The following CYP7B1 variants were observed in gnomAD, a reference collection of about 807,000 sequenced individuals.
The protein encoded by CYP7B1 is cytochrome P450 7B1.
CYP7B1 carries 29 observed loss-of-function variants against 42.7 expected under a neutral mutation model. The ratio of observed to expected loss-of-function variants is 0.68; its 90% CI spans 0.51 to 0.93. The LOEUF is 0.93. CYP7B1 is among the 40% of genes least tolerant of loss of function. The pLI, the probability that CYP7B1 is intolerant of heterozygous loss-of-function variation, is 0.00. For missense variants in CYP7B1, 655 were observed against 600.5 expected (o/e 1.09, Z -0.95); for synonymous variants, 235 against 218.2 (o/e 1.08, Z -0.68).
At position 64,638,170 on chromosome 8, in the gene CYP7B1, G is replaced by A. The variant is rs544509299; in HGVS notation, c.123-13631C>T. On this transcript the variant is annotated intron_variant, in intron 1 of 5. Coordinates refer to ENST00000310193, the MANE Select transcript of CYP7B1 (RefSeq NM_004820.5). Reference sequence around the variant, plus strand: ...TCCTTGAATTGTCTATTTTCTCCAAGTCTCTTTGTTTCAGTTTTTAAAGTT... The same window carrying A: ...TCCTTGAATTGTCTATTTTCTCCAAATCTCTTTGTTTCAGTTTTTAAAGTT... Among the ~76,000 whole-genome samples, 4 of 151,344 alleles carry A rather than the reference G, an allele frequency of 2.6e-5. No homozygotes were observed. The South Asian group carries it at 8.4e-4, about 32-fold the overall frequency.
chr8:64,771,107 C>T (rs1369578255), intron 1 of CYP7B1, among the ~76,000 whole-genome samples: 1 of 118,684 alleles, frequency 8.4e-6, no homozygotes, highest in Non-Finnish European at 1.6e-5. Flanking sequence ...TGTCGCCAGG[C>T]TGGAGTGCAG....
chr8:64,654,810 G>C (rs573237860), intron 1 of CYP7B1, among the ~76,000 whole-genome samples: 1 of 152,230 alleles, frequency 6.6e-6, no homozygotes, highest in Non-Finnish European at 1.5e-5. Flanking sequence ...TAAGGTACTG[G>C]TACAAAAAGA....
intron 1 of CYP7B1, among the ~76,000 whole-genome samples, chr8:64,791,559 TG>T (rs1351663336): frequency 6.6e-6 from 1 of 152,130 alleles, no homozygotes; most frequent in African/African-American, 2.4e-5. Context: ...TAGGTCTTGG[TG>T]GCCTCCAGAC....
intron 1 of CYP7B1, among the ~76,000 whole-genome samples, chr8:64,693,044 T>C (rs1806771266): frequency 6.6e-6 from 1 of 152,236 alleles, no homozygotes; most frequent in South Asian, 2.1e-4. Context: ...ATCCTGCTTC[T>C]TTGCTCTCAG....
At chr8:64,740,253 A>G (rs932596472) in intron 1 of CYP7B1, among the ~76,000 whole-genome samples, 1 of 152,224 alleles carries the variant, frequency 6.6e-6, no homozygotes, top group African/African-American at 2.4e-5. Flanking sequence ...GCTAGAAATC[A>G]AAAATTGAAT....
At chr8:64,681,619 G>A (rs955368159) in intron 1 of CYP7B1, among the ~76,000 whole-genome samples, 3 of 152,172 alleles carry the variant, frequency 2.0e-5, no homozygotes, top group Non-Finnish European at 4.4e-5. Flanking sequence ...GAAGAGCCCT[G>A]TAAAAAGGCC....
intron 1 of CYP7B1, among the ~76,000 whole-genome samples, chr8:64,639,094 G>A (rs959808677): frequency 6.6e-6 from 1 of 151,450 alleles, no homozygotes; most frequent in African/African-American, 2.4e-5. Flanking sequence ...TCTATAGAAG[G>A]TGTTTTTTTT....
intron 1 of CYP7B1, among the ~76,000 whole-genome samples, chr8:64,707,289 G>A (rs1807014318): frequency 6.6e-6 from 1 of 152,060 alleles, no homozygotes; most frequent in African/African-American, 2.4e-5. Context: ...CAACATGCCT[G>A]TGTAATTCAA....
chr8:64,769,981 C>G (rs528250961), intron 1 of CYP7B1, among the ~76,000 whole-genome samples: 2 of 152,160 alleles, frequency 1.3e-5, no homozygotes, highest in African/African-American at 2.4e-5. Context: ...AAAGTTCTTA[C>G]CATCCTTCTT....
chr8:64,638,568 G>T (rs186399919), intron 1 of CYP7B1, among the ~76,000 whole-genome samples: 15 of 152,216 alleles, frequency 9.9e-5, no homozygotes, highest in South Asian at 2.1e-4. Context: ...TCCATTTGTG[G>T]AGATAAGAAT....
intron 1 of CYP7B1, among the ~76,000 whole-genome samples, chr8:64,640,625 T>C (rs1004664237): frequency 6.6e-6 from 1 of 152,178 alleles, no homozygotes. Context: ...CTAAAAGAGA[T>C]TTGGAAGATT....
chr8:64,673,595 A>T (rs1806398690), intron 1 of CYP7B1, among the ~76,000 whole-genome samples: 1 of 152,144 alleles, frequency 6.6e-6, no homozygotes, highest in South Asian at 2.1e-4. Context: ...AGGAACACAT[A>T]ACTCAAACTA....
At chr8:64,690,217 C>T (rs1008484168) in intron 1 of CYP7B1, among the ~76,000 whole-genome samples, 1 of 152,084 alleles carries the variant, frequency 6.6e-6, no homozygotes, top group African/African-American at 2.4e-5. Flanking sequence ...GGCAACATAG[C>T]AAAATCCCAT....
intron 1 of CYP7B1, among the ~76,000 whole-genome samples, chr8:64,677,795 GAGA>G (rs1806473865): frequency 7.5e-6 from 1 of 133,284 alleles, no homozygotes; most frequent in African/African-American, 2.8e-5. Flanking sequence ...TCTGCTAAAT[GAGA>G]TCATTGTCAT....
intron 1 of CYP7B1, among the ~76,000 whole-genome samples, chr8:64,677,653 T>C (rs1247472456): frequency 6.7e-6 from 1 of 149,664 alleles, no homozygotes; most frequent in East Asian, 2.0e-4. Context: ...CATCAAAATA[T>C]TCCCAAAGGT....
intron 1 of CYP7B1, among the ~76,000 whole-genome samples, chr8:64,707,416 T>A (rs1258984998): frequency 6.6e-6 from 1 of 152,118 alleles, no homozygotes; most frequent in Admixed American, 6.6e-5. Flanking sequence ...GGGTTTTATT[T>A]GGCATTGAAG....
intron 3 of CYP7B1, 86 bp from the exon 4 acceptor site, chr8:64,615,318 C>A: frequency 7.3e-7 from 1 of 1,363,356 alleles, no homozygotes; most frequent in East Asian, 2.5e-5. Flanking sequence ...GATGTTAGGA[C>A]ACAGACCCAG....
rs148403429 is a variant in CYP7B1, at chr8:64,660,182, A to T, written c.123-35643T>A. On this transcript the variant is annotated intron_variant, in intron 1 of 5. Transcript: ENST00000310193. ...TAGAAAACTGAGGTTCACAAAAGTT[A>T]AATAACTTGCCCATGGCTACTTAAC... Among the ~76,000 whole-genome samples the T allele has an allele frequency of 5.3e-5, 8 of 152,316 alleles. No individual in the cohort carries two copies. The East Asian group carries it at 1.5e-3, about 29-fold the overall frequency.
intron 1 of CYP7B1, among the ~76,000 whole-genome samples, chr8:64,665,868 G>A (rs958098448): frequency 6.6e-6 from 1 of 152,024 alleles, no homozygotes; most frequent in Non-Finnish European, 1.5e-5. Context: ...GAGCCACCAC[G>A]CCCTGCTTAA....
Sources: allele counts gnomAD v4.1 joint callset (sites outside exome capture counted in the v4.1 genomes callset), GRCh38; gene constraint gnomAD v4.1.1; transcripts MANE v1.5; gene names NCBI Gene and HGNC (gene_info 2026-07-23, HGNC 2026-07-21).